The following BCL2L14 variants were observed in gnomAD, a reference collection of about 807,000 sequenced individuals.
BCL2L14 encodes the protein apoptosis facilitator Bcl-2-like protein 14.
Under a neutral mutation model 35.3 loss-of-function variants are expected in BCL2L14, and 27 were observed. The ratio of observed to expected loss-of-function variants is 0.76; its 90% CI spans 0.56 to 1.05. BCL2L14 has a LOEUF of 1.05. BCL2L14 is among the 50% of genes least tolerant of loss of function. The pLI, the probability that BCL2L14 is intolerant of heterozygous loss-of-function variation, is 0.00. For synonymous variants in BCL2L14, 139 were observed against 145.9 expected, an observed-to-expected ratio of 0.95 and a Z score of 0.34; for missense variants, 377 against 382.6, an observed-to-expected ratio of 0.99 and a Z score of 0.12.
At chr12:12,069,297 T>C (rs966713663), upstream of BCL2L14, among the ~76,000 whole-genome samples, 1 of 152,156 alleles carries the variant, frequency 6.6e-6, no homozygotes, top group African/African-American at 2.4e-5. Context: ...TCCTCTCACC[T>C]CAGCATCCCA....
chr12:12,079,737 A>T lies in BCL2L14; in HGVS notation c.432A>T (p.Glu144Asp). ...LSNVEQCLEH[E>D]AVDPKVISIA... ...ACGTGGAGCAGTGCTTGGAGCATGAAGGTAGGCATCTGGGATTTCTTTCTC... is the reference window on the plus strand; with the variant it reads ...ACGTGGAGCAGTGCTTGGAGCATGATGGTAGGCATCTGGGATTTCTTTCTC... Residue 144 changes from glutamate (E) to aspartate (D), a missense_variant and splice_region_variant, in exon 2 of 6, where the codon GAA becomes GAT. Glu to Asp is a conservative substitution (Grantham distance 45). Coordinates refer to ENST00000308721, the MANE Select transcript of BCL2L14 (RefSeq NM_138723.2). 6.2e-7 allele frequency: 1 copy of T among 1,609,242 alleles called. No individual in the cohort carries two copies. The highest frequency in any genetic ancestry group is 8.5e-7 in the Non-Finnish European group (1 of 1,177,238).
chr12:12,077,017 A>G (rs1010506852), intron 1 of BCL2L14, among the ~76,000 whole-genome samples: 4 of 152,154 alleles, frequency 2.6e-5, no homozygotes, highest in Admixed American at 6.5e-5. Context: ...ACCCAGGCCA[A>G]CTTGTCTGTA....
rs551784902 is a variant in BCL2L14 at position 12,060,526 on chromosome 12, A to C, written c.-272+8679A>C. ...AATTAACCTCGCCTTCAAGGTGTAC[A>C]ATAATAGAAAAAAGTTGCAATTCCT... is the stretch of plus-strand genomic sequence containing the variant. On this transcript the variant is annotated intron_variant, in intron 2 of 3. Coordinates refer to the BCL2L14 transcript ENST00000461264. 6.2e-4 allele frequency among the ~76,000 whole-genome samples: 63 copies of C among 101,600 alleles called. 1 individual carries two copies. The highest frequency in any genetic ancestry group is 2.1e-3 in the African/African-American group (56 of 27,142). 66.7% of individuals were successfully genotyped at this position (101,600 alleles called of 152,430 possible). A position where few individuals can be genotyped will look rare whatever the true frequency, so the allele number is the denominator to read the frequency against.
rs1019822584 is a variant in BCL2L14 at position 12,085,112 on chromosome 12, C to A, written c.434-2101C>A. ...AAAAAAAAAAAAAAAAAAGTCAATA[C>A]CCTGTACACAGTTAGCCAGATTGAG... On this transcript the variant is annotated intron_variant, in intron 2 of 5. Coordinates refer to ENST00000308721, the MANE Select transcript of BCL2L14 (RefSeq NM_138723.2). Among the ~76,000 whole-genome samples the A allele has an allele frequency of 2.7e-5, 4 of 150,340 alleles. No individual in the cohort carries two copies. In the East Asian group the frequency reaches 5.8e-4, roughly 22 times the overall value.
chr12:12,074,355 T>C (rs116964643), intron 1 of BCL2L14, among the ~76,000 whole-genome samples: 1,552 of 152,310 alleles, frequency 0.01, 27 homozygotes, highest in Middle Eastern at 0.017. Context: ...CCAGCCAAAG[T>C]CCCGCCTTCA....
At chr12:12,052,076 T>C (rs1948365169) in intron 2 of BCL2L14, among the ~76,000 whole-genome samples, 2 of 152,198 alleles carry the variant, frequency 1.3e-5, no homozygotes, top group South Asian at 2.1e-4. Context: ...TTTTTTCTTC[T>C]TCCTTTGTTT....
upstream of BCL2L14, among the ~76,000 whole-genome samples, chr12:12,066,698 A>G (rs1489990093): frequency 6.6e-6 from 1 of 152,044 alleles, no homozygotes; most frequent in Non-Finnish European, 1.5e-5. Context: ...GAAGACAAAC[A>G]AAACATTATT....
At chr12:12,050,761 A>G (rs1390566139) in intron 1 of BCL2L14, among the ~76,000 whole-genome samples, 1 of 149,638 alleles carries the variant, frequency 6.7e-6, no homozygotes, top group Non-Finnish European at 1.5e-5. Context: ...TGGGCCACAC[A>G]TAAAACACAC....
intron 1 of BCL2L14, 103 bp from the exon 2 acceptor site, chr12:12,079,196 A>C: frequency 1.0e-6 from 1 of 960,760 alleles, no homozygotes; most frequent in Non-Finnish European, 1.6e-6. Context: ...AACACAATAG[A>C]TGTTCAATAA....
At chr12:12,085,669 C>T (rs1411239575) in intron 2 of BCL2L14, among the ~76,000 whole-genome samples, 1 of 152,152 alleles carries the variant, frequency 6.6e-6, no homozygotes, top group East Asian at 1.9e-4. Flanking sequence ...TCTTCTGTGG[C>T]CTTTCCGTGA....
chr12:12,056,610 G>T (rs1948436392), intron 2 of BCL2L14, among the ~76,000 whole-genome samples: 2 of 152,194 alleles, frequency 1.3e-5, no homozygotes, highest in Admixed American at 6.5e-5. Flanking sequence ...AAGGTGGGCG[G>T]ATCAACTGAG....
At position 12,080,569 on chromosome 12, in the gene BCL2L14, G is replaced by A. The variant is rs549532928; in HGVS notation, c.433+831G>A. Among the ~76,000 whole-genome samples, 73 of 149,034 alleles carry A rather than the reference G, an allele frequency of 4.9e-4. 1 individual carries two copies. Among genetic ancestry groups the A allele is most frequent in the African/African-American group, 1.7e-3 (68 of 40,266 alleles). On this transcript the variant is annotated intron_variant, in intron 2 of 5. Transcript: ENST00000308721. ...TGGGAGGCGGAGGTTGCAGTGAGCC[G>A]AGATTGCATCACTGCACTCCAGCCT... is the stretch of plus-strand genomic sequence containing the variant.
At chr12:12,094,442 A>T (rs1482359497) in intron 4 of BCL2L14, 1 of 1,351,304 alleles carries the variant, frequency 7.4e-7, no homozygotes, top group Non-Finnish European at 1.1e-6. Flanking sequence ...TGACTGTTCC[A>T]TTTTATACAT....
At chr12:12,073,043 C>T (rs776936580) in intron 1 of BCL2L14, among the ~76,000 whole-genome samples, 3 of 152,164 alleles carry the variant, frequency 2.0e-5, no homozygotes, top group Middle Eastern at 3.4e-3. Flanking sequence ...CACACCACCA[C>T]GCCCAGCTAA....
At chr12:12,097,668 T>G (rs183587204) in intron 5 of BCL2L14, among the ~76,000 whole-genome samples, 183 of 152,340 alleles carry the variant, frequency 1.2e-3, no homozygotes, top group Non-Finnish European at 2.2e-3. Context: ...AATTAGTGAA[T>G]TTTATAGCAT....
chr12:12,089,388 T>C (rs114991980), intron 3 of BCL2L14, among the ~76,000 whole-genome samples: 1 of 140,252 alleles, frequency 7.1e-6, no homozygotes, highest in African/African-American at 2.6e-5. Flanking sequence ...AAAAAAAAAG[T>C]AGAAGAAGAA....
chr12:12,085,676 G>A (rs964346021), intron 2 of BCL2L14, among the ~76,000 whole-genome samples: 4 of 152,168 alleles, frequency 2.6e-5, no homozygotes, highest in East Asian at 1.9e-4. Flanking sequence ...TGGCCTTTCC[G>A]TGAATGGCTG....
chr12:12,069,970 T>C (rs909255529), upstream of BCL2L14, among the ~76,000 whole-genome samples: 2 of 152,184 alleles, frequency 1.3e-5, no homozygotes, highest in Non-Finnish European at 2.9e-5. Context: ...CTATTCACAC[T>C]TCCTTCATCG....
In BCL2L14 at chr12:12,059,473, C is replaced by T. The variant is rs145473741; in HGVS notation, c.-272+7626C>T. 1.6e-4 allele frequency among the ~76,000 whole-genome samples: 25 copies of T among 152,074 alleles called. No individual in the cohort carries two copies. In the South Asian group the frequency reaches 2.3e-3, roughly 14 times the overall value. On this transcript the variant is annotated intron_variant, in intron 2 of 3. Transcript: ENST00000461264. ...GCCCCAATCCCTTATTTCTGCACCC[C>T]AACCTCATATCTCTGCTCCCCGATC...
Sources: allele counts gnomAD v4.1 joint callset (sites outside exome capture counted in the v4.1 genomes callset), GRCh38; gene constraint gnomAD v4.1.1; transcripts MANE v1.5; gene names NCBI Gene and HGNC (gene_info 2026-07-23, HGNC 2026-07-21).